The following GLRA2 variants were observed in gnomAD, a reference collection of about 807,000 sequenced individuals.
GLRA2 encodes the protein glycine receptor subunit alpha-2.
GLRA2 carries 11 observed loss-of-function variants against 31.6 expected under a neutral mutation model. The observed-to-expected ratio is 0.35, with a 90% CI of 0.22 to 0.58. The LOEUF (loss-of-function observed/expected upper bound fraction) is 0.58, where lower values mean the gene tolerates loss of function less well. GLRA2 is among the 20% of genes least tolerant of loss of function. The probability of loss-of-function intolerance (pLI) is 0.84; values close to 1 mark genes in which losing one functional copy is unlikely to be tolerated. For synonymous variants in GLRA2, 132 were observed against 134.0 expected (o/e 0.99, Z 0.10); for missense variants, 212 against 351.8 (o/e 0.60, Z 3.18).
chrX:14,568,692 CAAAAA>C (rs1390018705), intron 2 of GLRA2, among the ~76,000 whole-genome samples: 1 of 23,541 alleles, frequency 4.2e-5, no homozygotes, highest in African/African-American at 2.3e-4. Flanking sequence ...GACTCTGTCT[CAAAAA>C]AAAAAAAAAA....
chrX:14,730,211 A>G lies in GLRA2; in HGVS notation c.1085A>G (p.Glu362Gly). ...RRRQKRQNKE[E>G]DVTRESRFNF... ...CCTCTGTCTTTATTCCGTCAGGAAG[A>G]AGACGTTACTCGTGAAAGTCGTTTT... Residue 362 changes from glutamate to glycine, a missense_variant, in exon 9 of 9, where the codon GAA becomes GGA. Physicochemically the swap from Glu to Gly is moderately conservative, Grantham distance 98. This residue lies in a region of GLRA2 where 25 missense variants were observed against 20.8 expected (regional missense o/e 1.20). Coordinates refer to ENST00000218075, the MANE Select transcript of GLRA2 (RefSeq NM_002063.4). The G allele has an allele frequency of 8.3e-7, 1 of 1,198,478 alleles. No homozygotes were observed. The highest frequency in any genetic ancestry group is 1.1e-6 in the Non-Finnish European group (1 of 883,666).
the GLRA2 span, among the ~76,000 whole-genome samples, chrX:14,465,681 C>G: frequency 8.9e-6 from 1 of 112,237 alleles, no homozygotes; most frequent in Admixed American, 9.4e-5. Context: ...CCTCTACTTT[C>G]AGAAATCCTT....
chrX:14,712,419 C>T (rs1287307665), intron 8 of GLRA2, among the ~76,000 whole-genome samples: 1 of 111,507 alleles, frequency 9.0e-6, no homozygotes, highest in Non-Finnish European at 1.9e-5. Flanking sequence ...CTCCACTAAT[C>T]GCACACTGAC....
chrX:14,534,193 G>A (rs1363182018), intron 2 of GLRA2, among the ~76,000 whole-genome samples: 4 of 101,397 alleles, frequency 3.9e-5, no homozygotes, highest in African/African-American at 1.4e-4. Flanking sequence ...AGAATGTCAG[G>A]TTCAGCAAAG....
chrX:14,457,602 A>T, the GLRA2 span, among the ~76,000 whole-genome samples: 1 of 111,652 alleles, frequency 9.0e-6, no homozygotes. Context: ...TCTATCATTG[A>T]TGGGCATTTG....
chrX:14,706,561 T>C (rs1487376259), intron 8 of GLRA2, among the ~76,000 whole-genome samples: 2 of 112,247 alleles, frequency 1.8e-5, no homozygotes, highest in Non-Finnish European at 3.8e-5. Flanking sequence ...AACCCTATGT[T>C]GCTTGTTGTT....
intron 7 of GLRA2, among the ~76,000 whole-genome samples, chrX:14,637,170 A>G (rs986198464): frequency 8.9e-6 from 1 of 112,285 alleles, no homozygotes. Context: ...TCTGATTCCT[A>G]TCATCTGTGA....
intron 7 of GLRA2, among the ~76,000 whole-genome samples, chrX:14,646,222 A>G (rs1315062073): frequency 8.9e-6 from 1 of 112,197 alleles, no homozygotes; most frequent in South Asian, 3.7e-4. Flanking sequence ...TAGACTGCAT[A>G]GCCAGTAAGT....
At chrX:14,656,805 TATG>T (rs1156496141) in intron 7 of GLRA2, among the ~76,000 whole-genome samples, 1 of 111,910 alleles carries the variant, frequency 8.9e-6, no homozygotes, top group Non-Finnish European at 1.9e-5. Context: ...TAAATAAAAA[TATG>T]AAGCAGGATA....
At chrX:14,684,681 G>A (rs1362263319) in intron 7 of GLRA2, among the ~76,000 whole-genome samples, 5 of 112,006 alleles carry the variant, frequency 4.5e-5, no homozygotes, top group Non-Finnish European at 7.5e-5. Context: ...CTGAGACTTT[G>A]CTGAAGTTGC....
chrX:14,684,040 T>TA (rs985782049), intron 7 of GLRA2, among the ~76,000 whole-genome samples: 5 of 111,363 alleles, frequency 4.5e-5, no homozygotes, highest in African/African-American at 1.6e-4. Context: ...GTTTCAAAAA[T>TA]AAAAAACTAA....
At chrX:14,479,146 C>T in the GLRA2 span, among the ~76,000 whole-genome samples, 1 of 110,537 alleles carries the variant, frequency 9.0e-6, no homozygotes, top group Middle Eastern at 4.7e-3. Flanking sequence ...GAATGTAACA[C>T]TGAACTGTGC....
At chrX:14,590,604 C>T (rs181955365) in intron 4 of GLRA2, among the ~76,000 whole-genome samples, 10 of 112,033 alleles carry the variant, frequency 8.9e-5, no homozygotes, top group African/African-American at 3.2e-4. Context: ...GCTTTGATTA[C>T]CTTACTCTCA....
At chrX:14,689,631 G>T (rs1230867317) in intron 7 of GLRA2, among the ~76,000 whole-genome samples, 1 of 111,926 alleles carries the variant, frequency 8.9e-6, no homozygotes, top group South Asian at 3.7e-4. Flanking sequence ...ATGAGTTGTT[G>T]TAAGGGTTAA....
chrX:14,588,055 T>G (rs774296848), intron 4 of GLRA2, among the ~76,000 whole-genome samples: 3 of 110,530 alleles, frequency 2.7e-5, no homozygotes, highest in Non-Finnish European at 3.8e-5. Flanking sequence ...TATATGTGCA[T>G]GCCACCATGC....
the GLRA2 span, among the ~76,000 whole-genome samples, chrX:14,496,042 T>A: frequency 1.2e-3 from 137 of 111,316 alleles, no homozygotes; most frequent in African/African-American, 4.3e-3. Flanking sequence ...GTTCATTGTG[T>A]TTGGGGTGAA....
At chrX:14,723,944 T>C (rs971688541) in intron 8 of GLRA2, among the ~76,000 whole-genome samples, 14 of 111,942 alleles carry the variant, frequency 1.3e-4, no homozygotes, top group African/African-American at 4.2e-4. Context: ...TGCAAACTCC[T>C]TGAAGGCAAG....
chrX:14,688,516 C>T (rs768102996), intron 7 of GLRA2, among the ~76,000 whole-genome samples: 9 of 111,556 alleles, frequency 8.1e-5, no homozygotes, highest in African/African-American at 2.9e-4. Context: ...GCCCATTCCC[C>T]ATCCTCGCTG....
intron 7 of GLRA2, among the ~76,000 whole-genome samples, chrX:14,637,028 C>T (rs1403156357): frequency 9.0e-6 from 1 of 111,667 alleles, no homozygotes; most frequent in Non-Finnish European, 1.9e-5. Flanking sequence ...GGTAGAAAGC[C>T]TGGCTATGGA....
Sources: allele counts gnomAD v4.1 joint callset (sites outside exome capture counted in the v4.1 genomes callset), GRCh38; gene constraint gnomAD v4.1.1; regional missense constraint gnomAD v4.1.1; transcripts MANE v1.5; gene names NCBI Gene and HGNC (gene_info 2026-07-23, HGNC 2026-07-21).